The following PAM variants were observed in gnomAD, a reference collection of about 807,000 sequenced individuals.
The protein encoded by PAM is peptidylglycine alpha-amidating monooxygenase.
Under a neutral mutation model 122.1 loss-of-function variants are expected in PAM, and 72 were observed. The observed-to-expected ratio is 0.59, with a 90% CI of 0.49 to 0.72. The LOEUF (loss-of-function observed/expected upper bound fraction) is 0.72. PAM is among the 30% of genes least tolerant of loss of function. The probability of loss-of-function intolerance (pLI) is 0.00; values close to 1 mark genes in which losing one functional copy is unlikely to be tolerated. For synonymous variants in PAM, 389 were observed against 404.4 expected (o/e 0.96, Z 0.46); for missense variants, 1,106 against 1,183.7 (o/e 0.93, Z 0.96).
At chr5:102,840,328 G>A (rs955810937) in intron 1 of PAM, among the ~76,000 whole-genome samples, 1 of 152,010 alleles carries the variant, frequency 6.6e-6, no homozygotes. Context: ...GAAGTCTAGA[G>A]AATAATCATT....
At chr5:102,862,622 G>A (rs912782928) in intron 1 of PAM, among the ~76,000 whole-genome samples, 2 of 152,054 alleles carry the variant, frequency 1.3e-5, no homozygotes, top group Non-Finnish European at 1.5e-5. Context: ...GATTATCACC[G>A]TCCCCAGCAT....
At chr5:102,770,309 C>T (rs564454907) in intron 1 of PAM, among the ~76,000 whole-genome samples, 1 of 152,210 alleles carries the variant, frequency 6.6e-6, no homozygotes, top group African/African-American at 2.4e-5. Context: ...ATATCATCTG[C>T]AAACAAGGAT....
rs561589963 is a variant in PAM at position 102,967,030 on chromosome 5, T to A, written c.1162+5801T>A. Among the ~76,000 whole-genome samples, 10 of 152,280 alleles carry A rather than the reference T, an allele frequency of 6.6e-5. No individual in the cohort carries two copies. In the East Asian group the frequency reaches 1.4e-3, roughly 21 times the overall value. On this transcript the variant is annotated intron_variant, in intron 14 of 25. Coordinates refer to ENST00000438793, the MANE Select transcript of PAM (RefSeq NM_001177306.2). ...TATCCAGTAATCTTAAAGCATTTTT[T>A]AAAAAACCTTCATAGGACCATTTTT...
chr5:102,962,147 T>A (rs896163715), intron 14 of PAM, among the ~76,000 whole-genome samples: 9 of 151,840 alleles, frequency 5.9e-5, no homozygotes, highest in African/African-American at 1.7e-4. Flanking sequence ...TTTACAAAAT[T>A]AAACAATTGA....
chr5:102,877,702 A>G (rs918710552), intron 3 of PAM, among the ~76,000 whole-genome samples: 2 of 152,182 alleles, frequency 1.3e-5, no homozygotes, highest in Admixed American at 6.5e-5. Context: ...CACTATAGTC[A>G]TAAGATACCA....
At chr5:102,918,328 T>A (rs958811755) in intron 5 of PAM, among the ~76,000 whole-genome samples, 2 of 152,160 alleles carry the variant, frequency 1.3e-5, no homozygotes, top group Non-Finnish European at 2.9e-5. Context: ...CTATTTGTGC[T>A]CTATAGACTT....
At chr5:102,941,343 G>A (rs1227594378) in intron 7 of PAM, among the ~76,000 whole-genome samples, 1 of 152,226 alleles carries the variant, frequency 6.6e-6, no homozygotes, top group Non-Finnish European at 1.5e-5. Flanking sequence ...TCCCATAGCA[G>A]TGAATACAAA....
chr5:102,788,833 T>C (rs1011485090), intron 1 of PAM, among the ~76,000 whole-genome samples: 28 of 152,064 alleles, frequency 1.8e-4, no homozygotes, highest in African/African-American at 5.6e-4. Context: ...AAGTTGTGAG[T>C]GTTGTGGTGG....
intron 1 of PAM, among the ~76,000 whole-genome samples, chr5:102,803,222 G>T (rs901026031): frequency 1.1e-4 from 12 of 106,194 alleles, no homozygotes; most frequent in African/African-American, 4.0e-4. Context: ...AGGAAGGAAG[G>T]AAGGAAGGAA....
At chr5:102,774,025 G>C (rs1756480836) in intron 1 of PAM, among the ~76,000 whole-genome samples, 1 of 152,022 alleles carries the variant, frequency 6.6e-6, no homozygotes, top group African/African-American at 2.4e-5. Context: ...CTCCACCCAT[G>C]TTCCTACAAA....
At position 102,859,964 on chromosome 5, in the gene PAM, C is replaced by A. The variant is rs978221645; in HGVS notation, c.-373-5859C>A. Among the ~76,000 whole-genome samples, 3 of 152,200 alleles carry A rather than the reference C, an allele frequency of 2.0e-5. No individual in the cohort carries two copies. The South Asian group carries it at 6.2e-4, about 31-fold the overall frequency. ...TATACCATCTAGGTTTATGTAAGTA[C>A]AGCCAATGATGTTCACACAAGGATG... On this transcript the variant is annotated intron_variant, in intron 1 of 25. Coordinates refer to ENST00000438793, the MANE Select transcript of PAM (RefSeq NM_001177306.2).
At chr5:102,966,344 T>C (rs1203966866) in intron 14 of PAM, among the ~76,000 whole-genome samples, 1 of 152,146 alleles carries the variant, frequency 6.6e-6, no homozygotes, top group East Asian at 1.9e-4. Flanking sequence ...CTTTCCAATA[T>C]AGATCTGTGT....
At chr5:102,973,527 C>T (rs1011439632) in intron 14 of PAM, among the ~76,000 whole-genome samples, 8 of 152,072 alleles carry the variant, frequency 5.3e-5, no homozygotes, top group Non-Finnish European at 1.0e-4. Flanking sequence ...AATTATTTTT[C>T]TCACTTGCTC....
At chr5:102,971,622 T>C (rs936988687) in intron 14 of PAM, among the ~76,000 whole-genome samples, 2 of 152,022 alleles carry the variant, frequency 1.3e-5, no homozygotes, top group African/African-American at 4.8e-5. Context: ...CTTCTTAGAG[T>C]TGATATTCAA....
At chr5:102,898,199 G>A (rs563957200) in intron 3 of PAM, among the ~76,000 whole-genome samples, 64 of 151,618 alleles carry the variant, frequency 4.2e-4, no homozygotes, top group Non-Finnish European at 8.1e-4. Flanking sequence ...CGGCTGATGT[G>A]CCAAAATAGA....
intron 1 of PAM, among the ~76,000 whole-genome samples, chr5:102,803,142 AAAGAAAGGAAGGAAGGAAGGAAGG>A (rs1167423373): frequency 3.5e-5 from 5 of 142,132 alleles, no homozygotes; most frequent in East Asian, 2.1e-4. Flanking sequence ...AGAAAGAAAG[AAAGAAAGGAAGGAAGGAAGGAAGG>A]AAGGAAGGAA....
chr5:102,827,081 A>G (rs1773878611), intron 1 of PAM, among the ~76,000 whole-genome samples: 1 of 152,208 alleles, frequency 6.6e-6, no homozygotes, highest in African/African-American at 2.4e-5. Context: ...ATTCAGTATT[A>G]AAGGAATAAA....
At position 102,865,914 on chromosome 5, in the gene PAM, C is replaced by G; in HGVS notation, c.-282C>G. The G allele has an allele frequency of 2.7e-6, 1 of 367,608 alleles. No individual in the cohort carries two copies. Among genetic ancestry groups the G allele is most frequent in the South Asian group, 6.7e-5 (1 of 14,980 alleles). The allele number at this position is 367,608 out of a possible 1,614,324, so 22.8% of individuals were successfully genotyped here. A position where few individuals can be genotyped will look rare whatever the true frequency, so the allele number is the denominator to read the frequency against. ...AAGGCACCCGCGCGTCTAGCCCCAG[C>G]GCCAGGGCACGCGAGCGGCGCTGGA... On this transcript the variant is annotated 5_prime_UTR_variant, in exon 2 of 26. Transcript: ENST00000438793.
chr5:103,029,726 G>A (rs892063113), downstream of PAM: 2 of 152,454 alleles, frequency 1.3e-5, no homozygotes, highest in African/African-American at 4.8e-5. Flanking sequence ...AGCTGTCAGT[G>A]TATTTTCCAG....
Sources: gnomAD v4.1 joint callset for allele counts (sites outside exome capture counted in the v4.1 genomes callset) on GRCh38, gnomAD v4.1.1 for gene constraint, MANE v1.5 for transcripts, NCBI Gene and HGNC (gene_info 2026-07-23, HGNC 2026-07-21) for gene names.